ZMAT4: variants seen among roughly 807,000 people sequenced by gnomAD.
ZMAT4 encodes the protein zinc finger matrin-type protein 4.
In ZMAT4, 17 loss-of-function variants were observed where a neutral mutation model predicts 28.7. The observed-to-expected ratio is 0.59, with a 90% CI of 0.41 to 0.89. The LOEUF (loss-of-function observed/expected upper bound fraction) is 0.89, where lower values mean the gene tolerates loss of function less well. Among genes scored for constraint, ZMAT4 ranks in the 40% least tolerant of loss-of-function variants. ZMAT4 has a pLI of 0.00. For missense variants in ZMAT4, 240 were observed against 283.8 expected (o/e 0.85, Z 1.11); for synonymous variants, 117 against 109.2 (o/e 1.07, Z -0.44).
At position 40,891,321 on chromosome 8, in the gene ZMAT4, G is replaced by A. The variant is rs74507603; in HGVS notation, c.-5+6362C>T. Among the ~76,000 whole-genome samples the A allele has an allele frequency of 6.2e-3, 920 of 148,664 alleles. 62 individuals are homozygous for A. In the East Asian group the frequency reaches 0.16, roughly 25 times the overall value. ...GATCTCAGTGAACATCATTGTGAGT[G>A]GTAAGGACACATGGTGGTCACCACG... On this transcript the variant is annotated intron_variant, in intron 1 of 6. Coordinates refer to ENST00000297737, the MANE Select transcript of ZMAT4 (RefSeq NM_024645.3).
intron 5 of ZMAT4, among the ~76,000 whole-genome samples, chr8:40,637,629 A>G (rs964197853): frequency 6.6e-6 from 1 of 152,212 alleles, no homozygotes; most frequent in Admixed American, 6.5e-5. Flanking sequence ...AATAGAAGCT[A>G]CAGAATAGAA....
chr8:40,878,607 A>G (rs1818118698), intron 1 of ZMAT4, among the ~76,000 whole-genome samples: 1 of 152,230 alleles, frequency 6.6e-6, no homozygotes, highest in Non-Finnish European at 1.5e-5. Context: ...CATGCTACAT[A>G]TCCTCAAAAT....
At chr8:40,871,386 C>A (rs1817852476) in intron 1 of ZMAT4, among the ~76,000 whole-genome samples, 1 of 152,188 alleles carries the variant, frequency 6.6e-6, no homozygotes, top group Non-Finnish European at 1.5e-5. Context: ...CCTACCCACT[C>A]TCAAGTCCAA....
At chr8:40,760,557 T>A (rs746167360) in intron 3 of ZMAT4, among the ~76,000 whole-genome samples, 2 of 152,162 alleles carry the variant, frequency 1.3e-5, no homozygotes, top group Non-Finnish European at 2.9e-5. Context: ...AAATCTGCAA[T>A]GAAAGAAGTC....
intron 3 of ZMAT4, among the ~76,000 whole-genome samples, chr8:40,710,473 A>G (rs1201780149): frequency 6.6e-6 from 1 of 152,226 alleles, no homozygotes; most frequent in African/African-American, 2.4e-5. Flanking sequence ...CCCTTGAGAT[A>G]TCATATAAAC....
intron 5 of ZMAT4, among the ~76,000 whole-genome samples, chr8:40,649,194 G>T (rs962415780): frequency 3.2e-4 from 49 of 152,160 alleles, no homozygotes; most frequent in African/African-American, 1.1e-3. Flanking sequence ...CACGTGCAGA[G>T]ACACACATAG....
intron 1 of ZMAT4, among the ~76,000 whole-genome samples, chr8:40,867,374 C>T (rs577908503): frequency 9.0e-4 from 137 of 152,278 alleles, no homozygotes; most frequent in African/African-American, 3.1e-3. Context: ...CTTGCCGTAG[C>T]GTCTGTTTTC....
chr8:40,670,872 T>G (rs925317072), intron 5 of ZMAT4, among the ~76,000 whole-genome samples: 1 of 151,860 alleles, frequency 6.6e-6, no homozygotes, highest in Non-Finnish European at 1.5e-5. Context: ...ATCAAGACCA[T>G]CCTGACCAAC....
rs556303564 is a variant in ZMAT4, at chr8:40,612,634, A to G, written c.578-31373T>C. Among the ~76,000 whole-genome samples, 12 of 136,820 alleles carry G rather than the reference A, an allele frequency of 8.8e-5. 5 individuals carry two copies. The highest frequency in any genetic ancestry group is 1.7e-4 in the Non-Finnish European group (10 of 59,010). The allele number at this position is 136,820 out of a possible 152,430, so 89.8% of individuals were successfully genotyped here. On this transcript the variant is annotated intron_variant, in intron 5 of 6. Transcript: ENST00000297737. The stretch of plus-strand genomic sequence containing the variant: ...TTCCTGCTAAGTTCCAGACTCATAT[A>G]TCCAACGAATACCTGATATCTTCAC...
intron 5 of ZMAT4, among the ~76,000 whole-genome samples, chr8:40,620,695 T>C (rs1806166039): frequency 1.3e-5 from 2 of 152,194 alleles, no homozygotes; most frequent in African/African-American, 2.4e-5. Context: ...GGTCATTTGG[T>C]TTCCTATTGC....
At chr8:40,732,653 G>A (rs764242685) in intron 3 of ZMAT4, among the ~76,000 whole-genome samples, 5 of 152,160 alleles carry the variant, frequency 3.3e-5, no homozygotes, top group Non-Finnish European at 5.9e-5. Flanking sequence ...ATGAGGGCAG[G>A]ATAAGCCTTG....
chr8:40,800,427 A>G (rs1475733138), intron 2 of ZMAT4, among the ~76,000 whole-genome samples: 1 of 152,186 alleles, frequency 6.6e-6, no homozygotes, highest in Non-Finnish European at 1.5e-5. Context: ...ATCCAACAAC[A>G]GCAGAATACA....
chr8:40,613,874 T>C (rs1442368111), intron 5 of ZMAT4, among the ~76,000 whole-genome samples: 1 of 152,160 alleles, frequency 6.6e-6, no homozygotes, highest in Non-Finnish European at 1.5e-5. Flanking sequence ...GTGGGAGAGT[T>C]GGCTTTCCAT....
chr8:40,647,110 C>A (rs1585810931), intron 5 of ZMAT4, among the ~76,000 whole-genome samples: 1 of 152,264 alleles, frequency 6.6e-6, no homozygotes. Context: ...GTCTACAGCT[C>A]CCAGCGTGAG....
intron 2 of ZMAT4, among the ~76,000 whole-genome samples, chr8:40,782,372 A>G (rs1813873016): frequency 6.6e-6 from 1 of 152,092 alleles, no homozygotes; most frequent in South Asian, 2.1e-4. Context: ...GTGATAGAGC[A>G]AGACTCCGTC....
intron 4 of ZMAT4, among the ~76,000 whole-genome samples, chr8:40,689,517 C>T (rs1809567176): frequency 6.6e-6 from 1 of 152,120 alleles, no homozygotes; most frequent in Admixed American, 6.5e-5. Context: ...AATTTTGAGG[C>T]TGATATTTAA....
intron 1 of ZMAT4, among the ~76,000 whole-genome samples, chr8:40,826,437 G>T (rs1308656385): frequency 6.6e-6 from 1 of 152,126 alleles, no homozygotes; most frequent in Non-Finnish European, 1.5e-5. Flanking sequence ...TTTGGGAAAT[G>T]ACAGAAAATT....
intron 5 of ZMAT4, among the ~76,000 whole-genome samples, chr8:40,640,995 T>TA (rs1807003273): frequency 6.8e-6 from 1 of 147,826 alleles, no homozygotes; most frequent in South Asian, 2.1e-4. Flanking sequence ...AAAAAAAAGA[T>TA]AGACTATACA....
intron 3 of ZMAT4, among the ~76,000 whole-genome samples, chr8:40,744,255 A>T (rs887000930): frequency 5.9e-5 from 9 of 152,148 alleles, no homozygotes; most frequent in African/African-American, 2.2e-4. Context: ...CTTAATCCAG[A>T]TGAATCCAGG....
Sources: gnomAD v4.1 joint callset for allele counts (sites outside exome capture counted in the v4.1 genomes callset) on GRCh38, gnomAD v4.1.1 for gene constraint, MANE v1.5 for transcripts, NCBI Gene and HGNC (gene_info 2026-07-23, HGNC 2026-07-21) for gene names.